Variants in CD6 observed in about 807,000 individuals in gnomAD.
The protein encoded by CD6 is CD6 molecule, also known as T-cell differentiation antigen CD6.
Under a neutral mutation model 75.3 loss-of-function variants are expected in CD6, and 53 were observed. That is an observed-to-expected ratio of 0.70 (90% CI 0.56 to 0.88). CD6 has a LOEUF of 0.88. CD6 is among the 40% of genes least tolerant of loss of function. CD6 has a pLI of 0.00. For synonymous variants in CD6, 359 were observed against 381.5 expected (o/e 0.94, Z 0.69); for missense variants, 770 against 897.1 (o/e 0.86, Z 1.81).
At chr11:61,018,151 C>T (rs1215968053) in intron 11 of CD6, 138 bp downstream of exon 11, 5 of 1,291,606 alleles carry the variant, frequency 3.9e-6, no homozygotes, top group Non-Finnish European at 5.4e-6. Flanking sequence ...TTGGACACAT[C>T]TCCCATCTCT....
intron 1 of CD6, among the ~76,000 whole-genome samples, chr11:60,975,167 G>A (rs1044351346): frequency 7.2e-5 from 11 of 151,932 alleles, no homozygotes; most frequent in South Asian, 2.1e-4. Flanking sequence ...AATGACTTTC[G>A]ATGGGCCTTT....
At chr11:61,002,805 G>A (rs529815754) in intron 1 of CD6, among the ~76,000 whole-genome samples, 29 of 152,266 alleles carry the variant, frequency 1.9e-4, no homozygotes, top group African/African-American at 6.5e-4. Flanking sequence ...AATGGAAGGC[G>A]TCACATGGCC....
chr11:60,994,531 A>G (rs1460716906), intron 1 of CD6, among the ~76,000 whole-genome samples: 1 of 147,916 alleles, frequency 6.8e-6, no homozygotes, highest in Non-Finnish European at 1.5e-5. Flanking sequence ...TTTGAGCCTT[A>G]ACTTCCATCC....
chr11:61,002,651 C>A (rs1858639884), intron 1 of CD6, among the ~76,000 whole-genome samples: 1 of 152,164 alleles, frequency 6.6e-6, no homozygotes, highest in South Asian at 2.1e-4. Context: ...TTTGCTCTTA[C>A]TCTGTTTTGT....
chr11:60,987,001 G>A lies in CD6; in HGVS notation c.49+15087G>A, dbSNP rs374880707. Reference sequence around the variant, plus strand: ...AAACTAGTTGGGTGAGGTGGCACGCGCCTGTAATCCCGGCTACTCAGGAGG... The same window carrying A: ...AAACTAGTTGGGTGAGGTGGCACGCACCTGTAATCCCGGCTACTCAGGAGG... On this transcript the variant is annotated intron_variant, in intron 1 of 12. Coordinates refer to ENST00000313421, the MANE Select transcript of CD6 (RefSeq NM_006725.5). 3.4e-4 allele frequency among the ~76,000 whole-genome samples: 52 copies of A among 152,252 alleles called. 1 individual carries two copies. In the South Asian group the frequency reaches 8.9e-3, roughly 26 times the overall value.
Position 61,009,574 on chromosome 11 carries a change from C to A in CD6, c.784C>A (p.His262Asn), listed in dbSNP as rs1859046299. ...KEDAGAVCSE[H>N]QSWRLTGGAD... ...TGTCCCCTGCCCCTTCCCTGCAGAG[C>A]ACCAGTCCTGGCGCCTGACAGGGGG... The change falls in exon 5 of 13, where the codon CAC becomes AAC. Residue 262 changes from histidine to asparagine, a missense_variant and splice_region_variant. His to Asn is a moderately conservative substitution (Grantham distance 68). Coordinates refer to ENST00000313421, the MANE Select transcript of CD6 (RefSeq NM_006725.5). The A allele has an allele frequency of 1.0e-5, 16 of 1,599,418 alleles. No homozygotes were observed. Among genetic ancestry groups the A allele is most frequent in the Non-Finnish European group, 1.2e-5 (14 of 1,173,228 alleles).
intron 10 of CD6, 54 bp downstream of exon 10, chr11:61,017,604 T>C (rs1859469701): frequency 1.3e-6 from 2 of 1,564,380 alleles, no homozygotes; most frequent in Non-Finnish European, 1.8e-6. Context: ...AGAGAGTAGC[T>C]CAGCTCAGCT....
intron 12 of CD6, 163 bp downstream of exon 12, chr11:61,018,556 T>C (rs917292908): frequency 5.6e-5 from 34 of 612,508 alleles, no homozygotes; most frequent in Admixed American, 3.1e-4. Context: ...AGGCCAGGCA[T>C]GGTAGCTCAA....
chr11:61,012,041 C>T (rs1006334300), intron 6 of CD6, among the ~76,000 whole-genome samples: 7 of 152,218 alleles, frequency 4.6e-5, no homozygotes, highest in African/African-American at 1.7e-4. Context: ...TCCTGGGATA[C>T]CCACAGGACT....
Position 61,013,523 on chromosome 11 carries a change from C to T in CD6, c.1251C>T (p.Ile417=). ...VLGILLLGSL[I]FIAFILLRIK... ...GAATTCTCCTCCTTGGCTCCCTCAT[C>T]TTCATAGCCTTCATCCTCTTGAGAA... Residue 417 remains isoleucine, a synonymous_variant, in exon 7 of 13, where the codon ATC becomes ATT. Transcript: ENST00000313421. 6.2e-7 allele frequency: 1 copy of T among 1,614,166 alleles called. No individual in the cohort carries two copies. Among genetic ancestry groups the T allele is most frequent in the Non-Finnish European group, 8.5e-7 (1 of 1,179,992 alleles).
chr11:61,014,267 G>A (rs948457300), intron 8 of CD6, among the ~76,000 whole-genome samples: 4 of 152,210 alleles, frequency 2.6e-5, no homozygotes, highest in Non-Finnish European at 5.9e-5. Flanking sequence ...GGCAAAGCAC[G>A]TTTTAGATCT....
intron 6 of CD6, 59 bp from the exon 7 acceptor site, chr11:61,013,364 C>A: frequency 6.3e-7 from 1 of 1,583,936 alleles, no homozygotes; most frequent in Non-Finnish European, 8.6e-7. Flanking sequence ...AATGGAAAGG[C>A]AAGAAGAAGG....
chr11:61,006,008 A>G (rs1362184117), intron 1 of CD6, among the ~76,000 whole-genome samples: 1 of 152,216 alleles, frequency 6.6e-6, no homozygotes, highest in Non-Finnish European at 1.5e-5. Flanking sequence ...TCCTTCATGA[A>G]TGCTAGTTTC....
intron 1 of CD6, 150 bp downstream of exon 1, chr11:60,972,064 G>GGGCTA: frequency 1.2e-6 from 1 of 809,808 alleles, no homozygotes; most frequent in Non-Finnish European, 2.0e-6. Context: ...CCAGCATCTG[G>GGGCTA]GGCTAGGAGA....
chr11:60,975,963 AT>A (rs1423729349), intron 1 of CD6, among the ~76,000 whole-genome samples: 6 of 152,248 alleles, frequency 3.9e-5, no homozygotes, highest in African/African-American at 1.4e-4. Flanking sequence ...GTTCCCAAGA[AT>A]TTTAGAAAAT....
At chr11:60,999,769 G>A (rs369097307) in intron 1 of CD6, among the ~76,000 whole-genome samples, 2 of 151,996 alleles carry the variant, frequency 1.3e-5, no homozygotes, top group East Asian at 1.9e-4. Context: ...GCACAGGGTC[G>A]GGTTCTGTGG....
intron 12 of CD6, chr11:61,018,782 T>C (rs56676174): frequency 3.7e-6 from 1 of 271,440 alleles, no homozygotes. Context: ...CGTATCACTG[T>C]GTATCATGCC....
At position 60,972,476 on chromosome 11, in the gene CD6, G is replaced by A. The variant is rs369706422; in HGVS notation, c.49+562G>A. On this transcript the variant is annotated intron_variant, in intron 1 of 12. Transcript: ENST00000313421. ...AAGCGAGCATGAAGGCCACCCCCACGTCTCAAGCTGCCCCCAAGTGTCAAG... is the reference window on the plus strand; with the variant it reads ...AAGCGAGCATGAAGGCCACCCCCACATCTCAAGCTGCCCCCAAGTGTCAAG... Among the ~76,000 whole-genome samples the A allele has an allele frequency of 5.1e-4, 78 of 152,290 alleles. 1 individual carries two copies. The South Asian group carries it at 9.9e-3, about 19-fold the overall frequency.
chr11:61,019,923 A>C lies in CD6; in HGVS notation c.*605A>C, dbSNP rs1859593541. 1 of 388,738 alleles carries C rather than the reference A, an allele frequency of 2.6e-6. No individual in the cohort carries two copies. Among genetic ancestry groups the C allele is most frequent in the African/African-American group, 2.1e-5 (1 of 48,458 alleles). The allele number at this position is 388,738 out of a possible 1,614,324, so 24.1% of individuals were successfully genotyped here. On this transcript the variant is annotated 3_prime_UTR_variant, in exon 13 of 13. Transcript: ENST00000313421. ...TAGCCTTCCTGGGCACAACTAGCTG[A>C]CAATGACAGGTTGACTGTGTACCCC...
Sources: gnomAD v4.1 joint callset for allele counts (sites outside exome capture counted in the v4.1 genomes callset) on GRCh38, gnomAD v4.1.1 for gene constraint, MANE v1.5 for transcripts, NCBI Gene and HGNC (gene_info 2026-07-23, HGNC 2026-07-21) for gene names.